PRKN: variants seen among roughly 807,000 people sequenced by gnomAD.
The protein encoded by PRKN is E3 ubiquitin-protein ligase parkin.
Under a neutral mutation model 59.5 loss-of-function variants are expected in PRKN, and 56 were observed. That is an observed-to-expected ratio of 0.94 (90% CI 0.76 to 1.18). The LOEUF (loss-of-function observed/expected upper bound fraction) is 1.18. Ranked by LOEUF, PRKN falls within the 50% of genes most tolerant of loss-of-function variation. The pLI, the probability that PRKN is intolerant of heterozygous loss-of-function variation, is 0.00. For synonymous variants in PRKN, 250 were observed against 222.1 expected (o/e 1.13, Z -1.12); for missense variants, 657 against 596.4 (o/e 1.10, Z -1.06).
At chr6:161,612,415 G>A (rs575133983) in intron 7 of PRKN, among the ~76,000 whole-genome samples, 1 of 152,150 alleles carries the variant, frequency 6.6e-6, no homozygotes, top group African/African-American at 2.4e-5. Context: ...AAAATGCTAG[G>A]GCCCTTAAGA....
At chr6:162,403,858 G>A (rs1034565401) in intron 2 of PRKN, among the ~76,000 whole-genome samples, 3 of 152,122 alleles carry the variant, frequency 2.0e-5, no homozygotes, top group Admixed American at 6.5e-5. Flanking sequence ...AATGGGTCCA[G>A]GTGGCTCACT....
intron 8 of PRKN, among the ~76,000 whole-genome samples, chr6:161,565,486 C>T (rs1017531705): frequency 6.6e-6 from 1 of 152,052 alleles, no homozygotes; most frequent in African/African-American, 2.4e-5. Context: ...GGGGATGATT[C>T]CCCCCATGGT....
At chr6:162,235,290 A>G (rs1354067849) in intron 3 of PRKN, among the ~76,000 whole-genome samples, 1 of 152,128 alleles carries the variant, frequency 6.6e-6, no homozygotes, top group African/African-American at 2.4e-5. Flanking sequence ...ATTGTTTTTT[A>G]GCCAGGTAAT....
At chr6:162,070,882 G>A (rs1778547413) in intron 4 of PRKN, among the ~76,000 whole-genome samples, 1 of 152,018 alleles carries the variant, frequency 6.6e-6, no homozygotes, top group Non-Finnish European at 1.5e-5. Flanking sequence ...GGCCACCCCT[G>A]CTGGCCCAGG....
At chr6:161,923,824 G>A (rs745333863) in intron 6 of PRKN, among the ~76,000 whole-genome samples, 4 of 152,094 alleles carry the variant, frequency 2.6e-5, no homozygotes, top group East Asian at 3.9e-4. Context: ...TGGAACTTGC[G>A]AGACCCTTCA....
At chr6:162,334,401 A>G (rs1783736570) in intron 2 of PRKN, among the ~76,000 whole-genome samples, 1 of 152,204 alleles carries the variant, frequency 6.6e-6, no homozygotes. Context: ...GCTCATTTCC[A>G]TTAAAATCCT....
At chr6:162,696,559 C>CTTTTTTTT (rs748055251) in intron 1 of PRKN, among the ~76,000 whole-genome samples, 14 of 108,524 alleles carry the variant, frequency 1.3e-4, no homozygotes, top group Admixed American at 1.1e-4. Context: ...TCAGGAAAAA[C>CTTTTTTTT]TTTTTTTTTT....
intron 10 of PRKN, among the ~76,000 whole-genome samples, chr6:161,367,496 T>G (rs1785257238): frequency 6.6e-6 from 1 of 150,490 alleles, no homozygotes; most frequent in Non-Finnish European, 1.5e-5. Context: ...TGGTAGACAG[T>G]ATGTGCTCAA....
At chr6:161,900,513 T>C (rs1244059518) in intron 6 of PRKN, among the ~76,000 whole-genome samples, 5 of 137,396 alleles carry the variant, frequency 3.6e-5, no homozygotes, top group African/African-American at 8.1e-5. Context: ...ATATATATTA[T>C]ATATACAACA....
rs142844885 is a variant in PRKN, at chr6:161,780,862, C to T, written c.871+4910G>A. Among the ~76,000 whole-genome samples, 12 of 152,198 alleles carry T rather than the reference C, an allele frequency of 7.9e-5. No individual in the cohort carries two copies. In the East Asian group the frequency reaches 1.5e-3, roughly 20 times the overall value. ...TAAAGAAAATCCAGTTTGTTCTTGA[C>T]AAAATAAAATCTATGACATCTGAAA... On this transcript the variant is annotated intron_variant, in intron 7 of 11. Transcript: ENST00000366898.
At chr6:162,472,984 A>C (rs548670186) in intron 1 of PRKN, among the ~76,000 whole-genome samples, 6 of 148,708 alleles carry the variant, frequency 4.0e-5, no homozygotes, top group African/African-American at 1.6e-4. Flanking sequence ...AATTAAGGAA[A>C]ATATTCTCAT....
chr6:161,585,503 C>T (rs182985555), intron 7 of PRKN, among the ~76,000 whole-genome samples: 116 of 152,282 alleles, frequency 7.6e-4, no homozygotes, highest in African/African-American at 2.6e-3. Context: ...CTATTCTAAA[C>T]GCCAAATAGA....
At chr6:161,996,842 TA>T (rs1174868366) in intron 5 of PRKN, among the ~76,000 whole-genome samples, 2 of 152,118 alleles carry the variant, frequency 1.3e-5, no homozygotes, top group East Asian at 1.9e-4. Context: ...AAAAACGTTT[TA>T]TTTTTTTTTT....
intron 7 of PRKN, among the ~76,000 whole-genome samples, chr6:161,658,976 G>A (rs1357868209): frequency 1.3e-5 from 2 of 152,212 alleles, no homozygotes; most frequent in African/African-American, 4.8e-5. Flanking sequence ...GACGAGAGGA[G>A]GCCCAGTGCT....
At chr6:162,588,259 C>T (rs1781148740) in intron 1 of PRKN, among the ~76,000 whole-genome samples, 1 of 151,926 alleles carries the variant, frequency 6.6e-6, no homozygotes, top group Non-Finnish European at 1.5e-5. Flanking sequence ...GATCTGCCTG[C>T]CTCAGCCTCC....
intron 2 of PRKN, among the ~76,000 whole-genome samples, chr6:162,361,050 G>C (rs549166894): frequency 4.6e-5 from 7 of 152,116 alleles, no homozygotes; most frequent in Non-Finnish European, 1.0e-4. Context: ...CAGAAACTTT[G>C]GCATCCCATC....
At chr6:161,351,162 T>C (rs970918306) in intron 11 of PRKN, among the ~76,000 whole-genome samples, 1 of 134,446 alleles carries the variant, frequency 7.4e-6, no homozygotes, top group Non-Finnish European at 1.5e-5. Context: ...TATAAATATA[T>C]TTATATTTAA....
In PRKN at chr6:162,158,250, T is replaced by C. The variant is rs571075719; in HGVS notation, c.534+42881A>G. ...AAATTCAGTTTTCTGTCTCAACGGT[T>C]GTTCTCTTCTTTCTCCTCAGGAAAT... On this transcript the variant is annotated intron_variant, in intron 4 of 11. Transcript: ENST00000366898. Among the ~76,000 whole-genome samples, 12 of 152,168 alleles carry C rather than the reference T, an allele frequency of 7.9e-5. No homozygotes were observed. In the East Asian group the frequency reaches 2.1e-3, roughly 27 times the overall value.
intron 7 of PRKN, among the ~76,000 whole-genome samples, chr6:161,734,877 C>G (rs575018293): frequency 1.3e-5 from 2 of 152,214 alleles, no homozygotes; most frequent in South Asian, 4.2e-4. Flanking sequence ...ACGCACCTAA[C>G]AGAAATAAAT....
Sources: gnomAD v4.1 joint callset for allele counts (sites outside exome capture counted in the v4.1 genomes callset) on GRCh38, gnomAD v4.1.1 for gene constraint, MANE v1.5 for transcripts, NCBI Gene and HGNC (gene_info 2026-07-23, HGNC 2026-07-21) for gene names.